Variants in ACOT7 observed in about 807,000 individuals in gnomAD.
ACOT7 encodes cytosolic acyl coenzyme A thioester hydrolase.
In ACOT7, 12 loss-of-function variants were observed where a neutral mutation model predicts 40.2. The observed-to-expected ratio is 0.30, with a 90% CI of 0.19 to 0.48. ACOT7 has a LOEUF of 0.48. Among genes scored for constraint, ACOT7 ranks in the 20% least tolerant of loss-of-function variants. ACOT7 has a pLI of 0.99. For missense variants in ACOT7, 395 were observed against 530.8 expected (o/e 0.74, Z 2.51); for synonymous variants, 228 against 219.5 (o/e 1.04, Z -0.34).
At position 6,393,546 on chromosome 1, in the gene ACOT7, G is replaced by C. The variant is rs1333722133; in HGVS notation, c.-147C>G. The stretch of plus-strand genomic sequence containing the variant: ...CCTCCCAGGCCGCCAAGGCTGCAGA[G>C]AGCTCGCGCGGGCGTACGATTCTGG... On this transcript the variant is annotated 5_prime_UTR_variant, in exon 1 of 9. Coordinates refer to ENST00000361521, the MANE Select transcript of ACOT7 (RefSeq NM_007274.4). 1.5e-6 allele frequency: 1 copy of C among 680,622 alleles called. No individual in the cohort carries two copies. Among genetic ancestry groups the C allele is most frequent in the Non-Finnish European group, 2.0e-6 (1 of 496,936 alleles). The allele number at this position is 680,622 out of a possible 1,614,324, so 42.2% of individuals were successfully genotyped here. A position where few individuals can be genotyped will look rare whatever the true frequency, so the allele number is the denominator to read the frequency against.
intron 7 of ACOT7, among the ~76,000 whole-genome samples, chr1:6,292,467 C>A (rs1489934522): frequency 6.6e-6 from 1 of 152,234 alleles, no homozygotes; most frequent in Non-Finnish European, 1.5e-5. Context: ...TTTGGCAAAG[C>A]AGCTCCTCGT....
chr1:6,305,498 T>C (rs1484450303), intron 6 of ACOT7, among the ~76,000 whole-genome samples: 3 of 130,668 alleles, frequency 2.3e-5, no homozygotes, highest in African/African-American at 6.0e-5. Context: ...CGGAGGGGCT[T>C]CTCACTTCTC....
intron 8 of ACOT7, among the ~76,000 whole-genome samples, chr1:6,265,811 T>A (rs1180880956): frequency 6.6e-6 from 1 of 152,222 alleles, no homozygotes; most frequent in Non-Finnish European, 1.5e-5. Flanking sequence ...ATGGGGCAGT[T>A]GCCCTTCATT....
intron 1 of ACOT7, among the ~76,000 whole-genome samples, chr1:6,357,991 C>T (rs1212288187): frequency 6.6e-6 from 1 of 152,022 alleles, no homozygotes; most frequent in Non-Finnish European, 1.5e-5. Flanking sequence ...CTCAGCCTCC[C>T]AAGTAGCTGG....
intron 1 of ACOT7, among the ~76,000 whole-genome samples, chr1:6,366,230 G>A (rs1032395203): frequency 1.3e-5 from 2 of 152,020 alleles, no homozygotes; most frequent in African/African-American, 4.8e-5. Flanking sequence ...GGCTGTGGCA[G>A]TTCCTTAAAA....
chr1:6,322,548 G>C (rs1640674521), intron 5 of ACOT7, among the ~76,000 whole-genome samples: 1 of 152,198 alleles, frequency 6.6e-6, no homozygotes, highest in African/African-American at 2.4e-5. Flanking sequence ...GAAGTCCCAG[G>C]TCAAGGTATC....
intron 6 of ACOT7, among the ~76,000 whole-genome samples, chr1:6,304,602 G>GAGTGAAGAATACTCAGTTCTA (rs1640069195): frequency 7.4e-6 from 1 of 134,708 alleles, no homozygotes; most frequent in African/African-American, 3.0e-5. Context: ...GACTCTTAAC[G>GAGTGAAGAATACTCAGTTCTA]AGCATGCTGC....
rs936204935 is a variant in ACOT7 at position 6,275,068 on chromosome 1, G to A, written c.1014+6034C>T. Among the ~76,000 whole-genome samples, 1 of 152,210 alleles carries A rather than the reference G, an allele frequency of 6.6e-6. No homozygotes were observed. Among genetic ancestry groups the A allele is most frequent in the Non-Finnish European group, 1.5e-5 (1 of 68,022 alleles). ...GGTGCCCGCCTCCTGTCTGGGGATG[G>A]GAAGCATCTGTGAGCAGACACACCA... is the stretch of plus-strand genomic sequence containing the variant. On this transcript the variant is annotated intron_variant, in intron 8 of 8. Coordinates refer to ENST00000361521, the MANE Select transcript of ACOT7 (RefSeq NM_007274.4). This position sits in a 1 kb window ranked among gnomAD's most constrained non-coding sequence, Gnocchi z 5.6.
chr1:6,272,053 A>G (rs2148367137), intron 8 of ACOT7, among the ~76,000 whole-genome samples: 1 of 152,302 alleles, frequency 6.6e-6, no homozygotes, highest in East Asian at 1.9e-4. Context: ...CAACACCAAT[A>G]ATGATCATAG....
chr1:6,272,086 T>C (rs1639052766), intron 8 of ACOT7, among the ~76,000 whole-genome samples: 1 of 152,218 alleles, frequency 6.6e-6, no homozygotes, highest in Non-Finnish European at 1.5e-5. Context: ...GAGTGCCCAC[T>C]GTGGGCTAGG....
At chr1:6,319,270 G>A (rs567131484) in intron 5 of ACOT7, among the ~76,000 whole-genome samples, 1 of 152,318 alleles carries the variant, frequency 6.6e-6, no homozygotes, top group Non-Finnish European at 1.5e-5. Context: ...TCAGCTCACT[G>A]TAGCCTCCGC....
At position 6,299,016 on chromosome 1, in the gene ACOT7, C is replaced by T. The variant is rs1329023213; in HGVS notation, c.713-4036G>A. 2.0e-5 allele frequency among the ~76,000 whole-genome samples: 3 copies of T among 152,238 alleles called. No individual in the cohort carries two copies. The highest frequency in any genetic ancestry group is 4.1e-4 in the South Asian group (2 of 4,836). On this transcript the variant is annotated intron_variant, in intron 6 of 8. Transcript: ENST00000361521. This position sits in a 1 kb window ranked among gnomAD's most constrained non-coding sequence, Gnocchi z 4.1. ...CCTGGTGCGAATCCCCCTGCCCCAT[C>T]GCCCATGCCTGGAGGGGCTTGAGTC...
chr1:6,362,511 G>A (rs1641913541), intron 1 of ACOT7, among the ~76,000 whole-genome samples: 1 of 151,886 alleles, frequency 6.6e-6, no homozygotes, highest in South Asian at 2.1e-4. Context: ...AGGCAGCCAA[G>A]CATATAGAAA....
intron 1 of ACOT7, among the ~76,000 whole-genome samples, chr1:6,364,542 C>CAAA (rs553139824): frequency 3.5e-3 from 268 of 75,646 alleles, no homozygotes; most frequent in African/African-American, 0.011. Context: ...GACTCTGTCT[C>CAAA]AAAAAAAAAA....
At chr1:6,384,430 C>T (rs1642402517) in intron 1 of ACOT7, among the ~76,000 whole-genome samples, 1 of 151,814 alleles carries the variant, frequency 6.6e-6, no homozygotes, top group Non-Finnish European at 1.5e-5. Context: ...ATGGTGCAGC[C>T]ACTTTGGAAA....
rs968361955 is a variant in ACOT7, at chr1:6,288,172, G to A, written c.829+6692C>T. On this transcript the variant is annotated intron_variant, in intron 7 of 8. Transcript: ENST00000361521. This position sits in a 1 kb window ranked among gnomAD's most constrained non-coding sequence, Gnocchi z 4.3. ...GCTCTCCCACTCTGTGGGTGCTACC[G>A]GGCTCCACGTGCCTTCCCCTGTGCT... 3.3e-5 allele frequency among the ~76,000 whole-genome samples: 5 copies of A among 152,150 alleles called. No individual in the cohort carries two copies. The highest frequency in any genetic ancestry group is 1.3e-4 in the Admixed American group (2 of 15,286).
At chr1:6,364,348 C>A (rs1257744498) in intron 1 of ACOT7, among the ~76,000 whole-genome samples, 1 of 150,612 alleles carries the variant, frequency 6.6e-6, no homozygotes, top group African/African-American at 2.4e-5. Context: ...TCAAGACCAG[C>A]CTGACCAACA....
chr1:6,293,828 G>A (rs1336527870), intron 7 of ACOT7, among the ~76,000 whole-genome samples: 1 of 152,240 alleles, frequency 6.6e-6, no homozygotes, highest in Non-Finnish European at 1.5e-5. Context: ...CAGGGAGGGA[G>A]GCAGCCCTCC....
intron 7 of ACOT7, among the ~76,000 whole-genome samples, chr1:6,293,705 A>T (rs1373656694): frequency 6.6e-6 from 1 of 152,214 alleles, no homozygotes; most frequent in Non-Finnish European, 1.5e-5. Context: ...TGTTGTGGAA[A>T]AAAGAAAAGG....
Sources: gnomAD v4.1 joint callset for allele counts (sites outside exome capture counted in the v4.1 genomes callset) on GRCh38, gnomAD v4.1.1 for gene constraint, Gnocchi (gnomAD v3.1) non-coding constraint, MANE v1.5 for transcripts, NCBI Gene and HGNC (gene_info 2026-07-23, HGNC 2026-07-21) for gene names.